KHDRBS2: variants seen among roughly 807,000 people sequenced by gnomAD.
The protein encoded by KHDRBS2 is KH domain-containing, RNA-binding, signal transduction-associated protein 2.
A neutral mutation model predicts 44.3 loss-of-function variants in KHDRBS2; 26 were observed. The ratio of observed to expected loss-of-function variants is 0.59; its 90% CI spans 0.43 to 0.81. KHDRBS2 has a LOEUF of 0.81. Ranked by LOEUF, KHDRBS2 falls within the 40% of genes least tolerant of loss-of-function variation. The pLI is 0.00. For missense variants in KHDRBS2, 476 were observed against 433.1 expected, an observed-to-expected ratio of 1.10 and a Z score of -0.88; for synonymous variants, 194 against 151.1, an observed-to-expected ratio of 1.28 and a Z score of -2.08.
intron 2 of KHDRBS2, among the ~76,000 whole-genome samples, chr6:62,133,653 T>C (rs1179770888): frequency 6.6e-6 from 1 of 152,098 alleles, no homozygotes; most frequent in African/African-American, 2.4e-5. Flanking sequence ...CAGAAGAAGA[T>C]AGGACAATGT....
chr6:61,868,114 A>G (rs1798049806), intron 6 of KHDRBS2, among the ~76,000 whole-genome samples: 1 of 151,700 alleles, frequency 6.6e-6, no homozygotes, highest in African/African-American at 2.4e-5. Context: ...CTAGGGAGAA[A>G]TTAGAACTCT....
the KHDRBS2 span, among the ~76,000 whole-genome samples, chr6:61,579,419 G>T: frequency 6.6e-6 from 1 of 152,142 alleles, no homozygotes; most frequent in African/African-American, 2.4e-5. Flanking sequence ...GCCTGAAGCT[G>T]AAAGACTGAC....
chr6:61,608,331 T>C, the KHDRBS2 span, among the ~76,000 whole-genome samples: 1 of 46,464 alleles, frequency 2.2e-5, no homozygotes, highest in African/African-American at 6.4e-5. Flanking sequence ...TATATATACA[T>C]ATGTGTGTGT....
chr6:61,558,434 T>C, the KHDRBS2 span, among the ~76,000 whole-genome samples: 4 of 151,990 alleles, frequency 2.6e-5, no homozygotes, highest in Non-Finnish European at 5.9e-5. Flanking sequence ...TGGTGGTGCA[T>C]GCCTATCGTT....
chr6:62,142,872 A>G (rs1443443811), intron 2 of KHDRBS2, among the ~76,000 whole-genome samples: 6 of 148,992 alleles, frequency 4.0e-5, no homozygotes, highest in African/African-American at 1.5e-4. Context: ...AATATTATAT[A>G]TCATCACATT....
intron 6 of KHDRBS2, among the ~76,000 whole-genome samples, chr6:61,827,276 TGGGAGGAGGATGTTA>T (rs1400787488): frequency 6.6e-6 from 1 of 152,144 alleles, no homozygotes; most frequent in East Asian, 1.9e-4. Context: ...AGGTTACAGT[TGGGAGGAGGATGTTA>T]ACGCAGGCTG....
intron 6 of KHDRBS2, among the ~76,000 whole-genome samples, chr6:61,812,672 A>C (rs1788310558): frequency 6.6e-6 from 1 of 152,104 alleles, no homozygotes; most frequent in African/African-American, 2.4e-5. Context: ...CACATAGTCA[A>C]CTTTGGCAAT....
rs938337736 is a variant in KHDRBS2 at position 62,021,071 on chromosome 6, C to T, written c.336+26807G>A. On this transcript the variant is annotated intron_variant, in intron 3 of 8. Coordinates refer to ENST00000281156, the MANE Select transcript of KHDRBS2 (RefSeq NM_152688.4). ...CCCATGGAAAAGAATGAGATCGTGTCCTTTTCAGGAAAATGGATGGAGCTG... is the reference window on the plus strand; with the variant it reads ...CCCATGGAAAAGAATGAGATCGTGTTCTTTTCAGGAAAATGGATGGAGCTG... Among the ~76,000 whole-genome samples, 3 of 152,016 alleles carry T rather than the reference C, an allele frequency of 2.0e-5. 1 individual carries two copies. The highest frequency in any genetic ancestry group is 2.0e-4 in the Admixed American group (3 of 15,236).
intron 1 of KHDRBS2, among the ~76,000 whole-genome samples, chr6:62,254,336 C>A (rs1837027869): frequency 6.6e-6 from 1 of 152,028 alleles, no homozygotes; most frequent in South Asian, 2.1e-4. Context: ...TCCAAGTACA[C>A]TTCTAGGTAC....
At chr6:61,843,956 T>G (rs1482130931) in intron 6 of KHDRBS2, among the ~76,000 whole-genome samples, 5 of 152,170 alleles carry the variant, frequency 3.3e-5, no homozygotes, top group Non-Finnish European at 5.9e-5. Context: ...TGCTTAAGTG[T>G]CAATCTTTTC....
chr6:61,735,897 G>A (rs1001040725), intron 6 of KHDRBS2, among the ~76,000 whole-genome samples: 6 of 151,870 alleles, frequency 4.0e-5, no homozygotes, highest in African/African-American at 1.5e-4. Flanking sequence ...TTACTTACAT[G>A]TGACCTAGAT....
In KHDRBS2 at chr6:62,026,130, T is replaced by C. The variant is rs1016295240; in HGVS notation, c.336+21748A>G. Among the ~76,000 whole-genome samples the C allele has an allele frequency of 9.2e-5, 14 of 152,034 alleles. No individual in the cohort carries two copies. The East Asian group carries it at 2.5e-3, about 27-fold the overall frequency. ...GGTTTAATTCTATTCTTAACTTCTA[T>C]TATGATGAGGTATTTCAAGCTGTAA... On this transcript the variant is annotated intron_variant, in intron 3 of 8. Coordinates refer to ENST00000281156, the MANE Select transcript of KHDRBS2 (RefSeq NM_152688.4).
At chr6:61,744,936 T>G (rs1389329196) in intron 6 of KHDRBS2, among the ~76,000 whole-genome samples, 3 of 152,184 alleles carry the variant, frequency 2.0e-5, no homozygotes, top group Non-Finnish European at 4.4e-5. Flanking sequence ...CAAATCTGTT[T>G]TCCTTTTTTT....
chr6:61,613,251 C>T, the KHDRBS2 span, among the ~76,000 whole-genome samples: 1 of 152,142 alleles, frequency 6.6e-6, no homozygotes, highest in Non-Finnish European at 1.5e-5. Flanking sequence ...TGGCATATTT[C>T]CTGCGATAAC....
chr6:62,026,303 T>TA (rs1198798281), intron 3 of KHDRBS2, among the ~76,000 whole-genome samples: 12 of 151,720 alleles, frequency 7.9e-5, no homozygotes, highest in African/African-American at 1.2e-4. Context: ...GAATTGCTCA[T>TA]AAAAAAACCG....
intron 3 of KHDRBS2, among the ~76,000 whole-genome samples, chr6:62,024,960 A>T (rs1201372871): frequency 6.6e-6 from 1 of 151,720 alleles, no homozygotes; most frequent in Non-Finnish European, 1.5e-5. Flanking sequence ...GCCTCCATTT[A>T]TCAACATATA....
chr6:61,948,462 G>A (rs1172598920), intron 4 of KHDRBS2, among the ~76,000 whole-genome samples: 1 of 151,770 alleles, frequency 6.6e-6, no homozygotes, highest in African/African-American at 2.4e-5. Context: ...TTACAGCAAT[G>A]ATACCCTGAT....
In KHDRBS2 at chr6:61,906,355, G is replaced by T. The variant is rs1421097753; in HGVS notation, c.484-4984C>A. On this transcript the variant is annotated intron_variant, in intron 4 of 8. Coordinates refer to ENST00000281156, the MANE Select transcript of KHDRBS2 (RefSeq NM_152688.4). ...TAATAATCACATCAGGATAATTGGGGTATCTATCACCTCAAGCATCTGTCA... is the reference window on the plus strand; with the variant it reads ...TAATAATCACATCAGGATAATTGGGTTATCTATCACCTCAAGCATCTGTCA... Among the ~76,000 whole-genome samples the T allele has an allele frequency of 2.6e-5, 4 of 151,840 alleles. No homozygotes were observed. The South Asian group carries it at 6.2e-4, about 24-fold the overall frequency.
chr6:61,973,822 C>T (rs373324527), intron 4 of KHDRBS2, among the ~76,000 whole-genome samples: 8 of 152,186 alleles, frequency 5.3e-5, no homozygotes, highest in Middle Eastern at 3.4e-3. Flanking sequence ...AATATTGTAA[C>T]GCTGTGCAGC....
Sources: allele counts gnomAD v4.1 joint callset (sites outside exome capture counted in the v4.1 genomes callset), GRCh38; gene constraint gnomAD v4.1.1; transcripts MANE v1.5; gene names NCBI Gene and HGNC (gene_info 2026-07-23, HGNC 2026-07-21).